The following ATP8A1 variants were observed in gnomAD, a reference collection of about 807,000 sequenced individuals.
ATP8A1 encodes the protein ATPase phospholipid transporting 8A1, also known as phospholipid-transporting ATPase IA.
A neutral mutation model predicts 177.7 loss-of-function variants in ATP8A1; 90 were observed. The ratio of observed to expected loss-of-function variants is 0.51; its 90% CI spans 0.43 to 0.60. The LOEUF is 0.60. Ranked by LOEUF, ATP8A1 falls within the 20% of genes least tolerant of loss-of-function variation. ATP8A1 has a pLI of 0.00. For missense variants in ATP8A1, 1,072 were observed against 1,392.8 expected (o/e 0.77, Z 3.67); for synonymous variants, 493 against 485.9 (o/e 1.01, Z -0.19).
chr4:42,601,319 A>T (rs1735245408), intron 5 of ATP8A1, among the ~76,000 whole-genome samples: 1 of 151,376 alleles, frequency 6.6e-6, no homozygotes, highest in South Asian at 2.1e-4. Context: ...TACAGGCGTG[A>T]GCCACCGCGC....
At chr4:42,592,502 C>T (rs577504080) in intron 6 of ATP8A1, among the ~76,000 whole-genome samples, 29 of 151,906 alleles carry the variant, frequency 1.9e-4, no homozygotes, top group Non-Finnish European at 3.4e-4. Context: ...TTGTATTTAA[C>T]GGTTCAGCCT....
intron 33 of ATP8A1, among the ~76,000 whole-genome samples, chr4:42,432,584 T>C (rs1162552123): frequency 6.6e-6 from 1 of 152,316 alleles, no homozygotes; most frequent in East Asian, 1.9e-4. Flanking sequence ...TCTGAATTCA[T>C]TATGGTAGTT....
At chr4:42,414,509 A>G (rs1712999209) in intron 36 of ATP8A1, 118 bp downstream of exon 36, 1 of 900,228 alleles carries the variant, frequency 1.1e-6, no homozygotes, top group Non-Finnish European at 1.7e-6. Context: ...ACAAATATGC[A>G]AAACTTATTT....
intron 33 of ATP8A1, 43 bp downstream of exon 33, chr4:42,443,522 T>C (rs759813589): frequency 1.2e-6 from 1 of 830,506 alleles, no homozygotes; most frequent in Non-Finnish European, 2.1e-6. Context: ...AAAATACCAG[T>C]TTTTAAGGTT....
In ATP8A1 at chr4:42,656,865, G is replaced by A. The variant is rs1303450447; in HGVS notation, c.9C>T (p.Thr3=). Residue 3 remains threonine (T), a synonymous_variant, in exon 1 of 37, where the codon ACC becomes ACT. Coordinates refer to ENST00000381668, the MANE Select transcript of ATP8A1 (RefSeq NM_006095.2). The part of the protein sequence containing the change: MP[T]MRRTVSEIRS... ...GGATCTCCGACACGGTCCTCCGCATGGTGGGCATCGCGGCGGCGGCTGCAG... is the reference window on the plus strand; with the variant it reads ...GGATCTCCGACACGGTCCTCCGCATAGTGGGCATCGCGGCGGCGGCTGCAG... 6.3e-7 allele frequency: 1 copy of A among 1,588,166 alleles called. No homozygotes were observed. Among genetic ancestry groups the A allele is most frequent in the Non-Finnish European group, 8.6e-7 (1 of 1,167,562 alleles).
intron 24 of ATP8A1, among the ~76,000 whole-genome samples, chr4:42,502,961 C>T (rs932073709): frequency 6.6e-6 from 1 of 152,096 alleles, no homozygotes; most frequent in Non-Finnish European, 1.5e-5. Flanking sequence ...TGATCACAGC[C>T]ATGAAAAAAG....
intron 20 of ATP8A1, among the ~76,000 whole-genome samples, chr4:42,534,708 G>A (rs549290512): frequency 3.3e-5 from 5 of 152,116 alleles, no homozygotes; most frequent in South Asian, 2.1e-4. Flanking sequence ...GCACATAGTC[G>A]GCAGGTTATC....
chr4:42,577,239 G>A (rs1732557881), intron 12 of ATP8A1, among the ~76,000 whole-genome samples: 1 of 152,070 alleles, frequency 6.6e-6, no homozygotes, highest in South Asian at 2.1e-4. Flanking sequence ...CCCTATTATT[G>A]CTATAAGAAA....
chr4:42,565,725 T>C (rs535693016), intron 15 of ATP8A1, among the ~76,000 whole-genome samples: 1 of 152,358 alleles, frequency 6.6e-6, no homozygotes, highest in African/African-American at 2.4e-5. Flanking sequence ...AAGTGCATAT[T>C]ATTGAAGCAG....
rs753995976 is a variant in ATP8A1, at chr4:42,588,326, C to T, written c.528G>A (p.Glu176=). 2 of 1,612,886 alleles carry T rather than the reference C, an allele frequency of 1.2e-6. No homozygotes were observed. Among genetic ancestry groups the T allele is most frequent in the Non-Finnish European group, 1.7e-6 (2 of 1,179,526 alleles). Residue 176 remains glutamate (E), a synonymous_variant, in exon 8 of 37, where the codon GAG becomes GAA. Transcript: ENST00000381668. The stretch of plus-strand genomic sequence containing the variant: ...TTTCAATGTAGCACATGGCTTGGGG[C>T]TCACTGTAGTTTGGAGTTGAGAAGC... The part of the protein sequence containing the change: ...PADLISLSSS[E]PQAMCYIETS...
chr4:42,578,915 T>C (rs1708509042), intron 11 of ATP8A1, among the ~76,000 whole-genome samples: 1 of 152,030 alleles, frequency 6.6e-6, no homozygotes, highest in Non-Finnish European at 1.5e-5. Context: ...TTATAAAGTA[T>C]ACAAAGAAAC....
At chr4:42,639,942 G>A (rs576858444) in intron 1 of ATP8A1, among the ~76,000 whole-genome samples, 12 of 152,176 alleles carry the variant, frequency 7.9e-5, no homozygotes, top group South Asian at 2.1e-4. Context: ...ATGCCTACAC[G>A]TCATTTGCAT....
At chr4:42,444,128 G>A (rs2153174842) in intron 32 of ATP8A1, among the ~76,000 whole-genome samples, 1 of 152,254 alleles carries the variant, frequency 6.6e-6, no homozygotes. Flanking sequence ...CTGGACGGGG[G>A]TACACCGCAA....
At chr4:42,465,505 C>A (rs536883550) in intron 25 of ATP8A1, among the ~76,000 whole-genome samples, 2 of 152,176 alleles carry the variant, frequency 1.3e-5, no homozygotes, top group Non-Finnish European at 2.9e-5. Flanking sequence ...ATGTACTATA[C>A]ACTTAAAACT....
intron 15 of ATP8A1, among the ~76,000 whole-genome samples, chr4:42,563,806 A>C (rs1446918358): frequency 2.0e-5 from 3 of 152,164 alleles, no homozygotes; most frequent in African/African-American, 7.2e-5. Flanking sequence ...TCAAGAATTG[A>C]GGTTTGGGCC....
intron 22 of ATP8A1, among the ~76,000 whole-genome samples, chr4:42,507,918 G>A (rs1724617963): frequency 6.6e-6 from 1 of 151,714 alleles, no homozygotes; most frequent in African/African-American, 2.4e-5. Flanking sequence ...TTGAAGCAGT[G>A]TCAGGAAATG....
chr4:42,511,233 G>T (rs1010495180), intron 22 of ATP8A1, among the ~76,000 whole-genome samples: 33 of 152,228 alleles, frequency 2.2e-4, no homozygotes, highest in African/African-American at 7.7e-4. Flanking sequence ...AATATTGTTA[G>T]CTATATAATG....
At chr4:42,644,064 T>C (rs1740280318) in intron 1 of ATP8A1, among the ~76,000 whole-genome samples, 1 of 152,200 alleles carries the variant, frequency 6.6e-6, no homozygotes, top group African/African-American at 2.4e-5. Flanking sequence ...TGGTGATTTA[T>C]TTGCTTCAAT....
At chr4:42,618,293 C>T (rs1258185043) in intron 4 of ATP8A1, among the ~76,000 whole-genome samples, 2 of 152,152 alleles carry the variant, frequency 1.3e-5, no homozygotes, top group Non-Finnish European at 2.9e-5. Context: ...TACTCCCTGG[C>T]CCTCCTCACT....
Sources: gnomAD v4.1 joint callset for allele counts (sites outside exome capture counted in the v4.1 genomes callset) on GRCh38, gnomAD v4.1.1 for gene constraint, MANE v1.5 for transcripts, NCBI Gene and HGNC (gene_info 2026-07-23, HGNC 2026-07-21) for gene names.